Variants in CERS4 observed in about 807,000 individuals in gnomAD.
The protein encoded by CERS4 is LAG1 homolog, ceramide synthase 4.
In CERS4, 65 loss-of-function variants were observed where a neutral mutation model predicts 51.8. The ratio of observed to expected loss-of-function variants is 1.26; its 90% confidence interval spans 1.03 to 1.54. The LOEUF is 1.54. Ranked by LOEUF, CERS4 falls within the 40% of genes most tolerant of loss-of-function variation. CERS4 has a pLI of 0.00. For synonymous variants in CERS4, 228 were observed against 208.4 expected (o/e 1.09, Z -0.81); for missense variants, 563 against 500.4 (o/e 1.13, Z -1.19).
intron 2 of CERS4, among the ~76,000 whole-genome samples, chr19:8,214,978 GAA>G (rs1386060360): frequency 1.4e-5 from 1 of 71,790 alleles, no homozygotes; most frequent in Non-Finnish European, 3.6e-5. Context: ...GGAGAAAAAG[GAA>G]GAGGAGGGGG....
chr19:8,259,679 A>G (rs559661201), intron 10 of CERS4, among the ~76,000 whole-genome samples: 5 of 152,178 alleles, frequency 3.3e-5, no homozygotes, highest in Admixed American at 3.3e-4. Context: ...AGGCAGCAGG[A>G]GCTCAGCCCT....
chr19:8,233,364 A>G (rs1968100209), intron 2 of CERS4, among the ~76,000 whole-genome samples: 1 of 151,640 alleles, frequency 6.6e-6, no homozygotes, highest in Non-Finnish European at 1.5e-5. Flanking sequence ...ACGGGGTTTC[A>G]CCATGTTGGC....
chr19:8,252,106 C>T (rs149131794), intron 3 of CERS4, among the ~76,000 whole-genome samples: 2,363 of 151,564 alleles, frequency 0.016, 23 homozygotes, highest in Non-Finnish European at 0.024. Context: ...TGCAGTGGCT[C>T]ATGCCTGTAA....
In CERS4 at chr19:8,256,266, T is replaced by C. The variant is rs112008303; in HGVS notation, c.499T>C (p.Trp167Arg). The C allele has an allele frequency of 6.2e-7, 1 of 1,613,546 alleles. No homozygotes were observed. The highest frequency in any genetic ancestry group is 8.5e-7 in the Non-Finnish European group (1 of 1,179,812). The stretch of plus-strand genomic sequence containing the variant: ...ATGGCTGTGGGCACCAGTAATGTGC[T>C]GGGACAGGTACCCAAACCAGGTGAG... ...ESWLWAPVMC[W>R]DRYPNQTLKP... Residue 167 changes from tryptophan to arginine, a missense_variant, in exon 7 of 12, where the codon TGG becomes CGG. Physicochemically the swap from Trp to Arg is moderately radical, Grantham distance 101. Coordinates refer to ENST00000251363, the MANE Select transcript of CERS4 (RefSeq NM_024552.3).
intron 2 of CERS4, among the ~76,000 whole-genome samples, chr19:8,237,530 G>A (rs62126440): frequency 0.13 from 19,065 of 151,708 alleles, 1,311 homozygotes; most frequent in South Asian, 0.23. Flanking sequence ...ACTCCAGCCT[G>A]GGCATAGAGA....
At chr19:8,234,542 ATTTTTTT>A (rs35971828) in intron 2 of CERS4, among the ~76,000 whole-genome samples, 26 of 54,172 alleles carry the variant, frequency 4.8e-4, no homozygotes, top group East Asian at 2.0e-3. Context: ...CCACCATTCT[ATTTTTTT>A]TTTTTTTTTT....
chr19:8,217,730 G>A (rs1253035542), intron 2 of CERS4, among the ~76,000 whole-genome samples: 1 of 151,996 alleles, frequency 6.6e-6, no homozygotes, highest in African/African-American at 2.4e-5. Context: ...GTAGAGACGG[G>A]GTTTCACCCT....
At chr19:8,228,018 C>T (rs1015348311) in intron 2 of CERS4, among the ~76,000 whole-genome samples, 8 of 152,102 alleles carry the variant, frequency 5.3e-5, no homozygotes, top group East Asian at 1.9e-4. Flanking sequence ...CCCGCCACCA[C>T]GCCCAGACAA....
At chr19:8,251,920 T>C (rs1160803583) in intron 3 of CERS4, among the ~76,000 whole-genome samples, 1 of 151,600 alleles carries the variant, frequency 6.6e-6, no homozygotes, top group Non-Finnish European at 1.5e-5. Flanking sequence ...TTTTAGCCCT[T>C]AAAAAAAATT....
chr19:8,214,706 C>G (rs1056655432), intron 2 of CERS4, among the ~76,000 whole-genome samples: 1 of 151,324 alleles, frequency 6.6e-6, no homozygotes, highest in Non-Finnish European at 1.5e-5. Context: ...GTGCAGTGGT[C>G]ACCTGTGCTG....
intron 2 of CERS4, among the ~76,000 whole-genome samples, chr19:8,226,524 A>G (rs1967795096): frequency 6.6e-6 from 1 of 152,182 alleles, no homozygotes; most frequent in African/African-American, 2.4e-5. Context: ...TGAAGGAAGG[A>G]TCCCATCAGA....
At chr19:8,234,094 C>A (rs1210231434) in intron 2 of CERS4, among the ~76,000 whole-genome samples, 1 of 151,848 alleles carries the variant, frequency 6.6e-6, no homozygotes, top group Non-Finnish European at 1.5e-5. Flanking sequence ...ATCACGAGGT[C>A]AGGAGATCGA....
chr19:8,254,881 C>T (rs577626587), intron 4 of CERS4, among the ~76,000 whole-genome samples: 1 of 151,932 alleles, frequency 6.6e-6, no homozygotes, highest in East Asian at 1.9e-4. Context: ...GAGGACCCCC[C>T]CCTTCCCAGC....
chr19:8,254,420 C>T (rs940731006), intron 3 of CERS4, 79 bp from the exon 4 acceptor site: 81 of 1,344,190 alleles, frequency 6.0e-5, no homozygotes, highest in Non-Finnish European at 7.3e-5. Flanking sequence ...GTTATCCCAC[C>T]GGCAGCATGT....
intron 2 of CERS4, among the ~76,000 whole-genome samples, chr19:8,237,616 T>G (rs567783404): frequency 6.6e-6 from 1 of 151,922 alleles, no homozygotes. Context: ...TTTGGGAGGC[T>G]GAGGTGGGTG....
rs1474192340 is a variant in CERS4 at position 8,256,290 on chromosome 19, A to G, written c.519+4A>G. 1 of 1,613,392 alleles carries G rather than the reference A, an allele frequency of 6.2e-7. No individual in the cohort carries two copies. The highest frequency in any genetic ancestry group is 8.5e-7 in the Non-Finnish European group (1 of 1,179,788). ...CTGGGACAGGTACCCAAACCAGGTGAGTGGCAGAGTGTGTGTGAATGCTTG... is the reference window on the plus strand; with the variant it reads ...CTGGGACAGGTACCCAAACCAGGTGGGTGGCAGAGTGTGTGTGAATGCTTG... On this transcript the variant is annotated splice_donor_region_variant and intron_variant, in intron 7 of 11. Transcript: ENST00000251363.
intron 2 of CERS4, among the ~76,000 whole-genome samples, chr19:8,232,452 G>A (rs999185937): frequency 1.3e-5 from 2 of 151,636 alleles, no homozygotes; most frequent in African/African-American, 2.4e-5. Context: ...CACCACACCC[G>A]GCAATTTTTT....
At chr19:8,257,844 G>T in intron 9 of CERS4, 35 bp from the exon 10 acceptor site, 2 of 1,551,126 alleles carry the variant, frequency 1.3e-6, no homozygotes, top group Non-Finnish European at 1.8e-6. Context: ...CAGGGCCCTG[G>T]TCCTGAGCCC....
intron 10 of CERS4, among the ~76,000 whole-genome samples, chr19:8,260,367 GTATTT>G (rs1969616787): frequency 3.1e-5 from 2 of 64,750 alleles, no homozygotes; most frequent in Non-Finnish European, 6.6e-5. Flanking sequence ...GCTAATTTTT[GTATTT>G]TTTTTTTTTT....
Sources: allele counts gnomAD v4.1 joint callset (sites outside exome capture counted in the v4.1 genomes callset), GRCh38; gene constraint gnomAD v4.1.1; transcripts MANE v1.5; gene names NCBI Gene and HGNC (gene_info 2026-07-23, HGNC 2026-07-21).